The following MEAK7 variants were observed in gnomAD, a reference collection of about 807,000 sequenced individuals.
MEAK7 encodes MTOR associated protein MEAK7.
In MEAK7, 68 loss-of-function variants were observed where a neutral mutation model predicts 40.5. The ratio of observed to expected loss-of-function variants is 1.68; its 90% confidence interval spans 1.38 to 2.06. MEAK7 has a LOEUF of 2.06. Among genes scored for constraint, MEAK7 ranks in the 30% most tolerant of loss-of-function variants. The pLI, the probability that MEAK7 is intolerant of heterozygous loss-of-function variation, is 0.00. For missense variants in MEAK7, 918 were observed against 580.5 expected, an observed-to-expected ratio of 1.58 and a Z score of -5.98; for synonymous variants, 338 against 231.9, an observed-to-expected ratio of 1.46 and a Z score of -4.16.
chr16:84,486,533 A>T (rs1422313311), intron 5 of MEAK7, 98 bp downstream of exon 5: 3 of 1,487,796 alleles, frequency 2.0e-6, no homozygotes. Flanking sequence ...CTTGGAGAAG[A>T]TGGGAGAGCC....
intron 3 of MEAK7, among the ~76,000 whole-genome samples, chr16:84,490,349 G>A (rs929923215): frequency 6.6e-6 from 1 of 150,838 alleles, no homozygotes; most frequent in Non-Finnish European, 1.5e-5. Flanking sequence ...GCCTTGAGGG[G>A]CTTTATTTCC....
At position 84,489,284 on chromosome 16, in the gene MEAK7, G is replaced by C. The variant is rs149770268; in HGVS notation, c.523C>G (p.Leu175Val). 5.0e-5 allele frequency: 81 copies of C among 1,614,064 alleles called. No individual in the cohort carries two copies. The African/African-American group carries it at 9.9e-4, about 20-fold the overall frequency. ...LAAQLLSDMK[L>V]QDGKRLLGPQ... ...CGCGTCCACGCACACTTGCCTTGCA[G>C]CTTCATGTCAGAGAGCAGCTGAGCA... is the stretch of plus-strand genomic sequence containing the variant. The change falls in exon 4 of 8, where the codon CTG (leucine) becomes GTG (valine). Residue 175 changes from leucine (L) to valine (V), a missense_variant. Physicochemically the swap from Leu to Val is conservative, Grantham distance 32. Transcript: ENST00000343629.
chr16:84,503,417 C>T (rs1240507986), intron 1 of MEAK7, among the ~76,000 whole-genome samples: 1 of 152,160 alleles, frequency 6.6e-6, no homozygotes, highest in Non-Finnish European at 1.5e-5. Flanking sequence ...CTTCCATCCA[C>T]TGATCCCCAC....
At chr16:84,499,150 T>C (rs1225465309) in intron 1 of MEAK7, among the ~76,000 whole-genome samples, 1 of 152,194 alleles carries the variant, frequency 6.6e-6, no homozygotes, top group African/African-American at 2.4e-5. Context: ...TGGGGCCTTG[T>C]TCACTGTCAC....
intron 4 of MEAK7, among the ~76,000 whole-genome samples, chr16:84,488,810 G>T (rs905306087): frequency 6.6e-6 from 1 of 152,162 alleles, no homozygotes; most frequent in African/African-American, 2.4e-5. Flanking sequence ...AGGGAAATGT[G>T]CAAGTGTAAA....
chr16:84,481,224 T>C (rs555762652), intron 6 of MEAK7, among the ~76,000 whole-genome samples: 1 of 152,342 alleles, frequency 6.6e-6, no homozygotes, highest in East Asian at 1.9e-4. Context: ...TGCGAACCCC[T>C]GTGCCTTCCA....
Position 84,495,743 on chromosome 16 carries a change from G to C in MEAK7, c.324C>G (p.Leu108=). Residue 108 remains leucine (L), a synonymous_variant, in exon 3 of 8, where the codon CTC becomes CTG. Coordinates refer to ENST00000343629, the MANE Select transcript of MEAK7 (RefSeq NM_020947.4). The part of the protein sequence containing the change: ...LLKGNSEEKS[L]MIMKMISATE... Reference sequence around the variant, plus strand: ...TGGCAGAAATCATTTTCATAATCATGAGACTCTTCTCCTCGGAGTTTCCTT... The same window carrying C: ...TGGCAGAAATCATTTTCATAATCATCAGACTCTTCTCCTCGGAGTTTCCTT... The C allele has an allele frequency of 6.2e-7, 1 of 1,613,886 alleles. No homozygotes were observed. Among genetic ancestry groups the C allele is most frequent in the South Asian group, 1.1e-5 (1 of 91,058 alleles).
At chr16:84,496,923 T>C (rs1914098215) in intron 2 of MEAK7, among the ~76,000 whole-genome samples, 2 of 152,228 alleles carry the variant, frequency 1.3e-5, no homozygotes, top group African/African-American at 4.8e-5. Context: ...CATATGTCTG[T>C]GTACAGCTAA....
chr16:84,496,684 T>C (rs906974654), intron 2 of MEAK7, among the ~76,000 whole-genome samples: 12 of 152,090 alleles, frequency 7.9e-5, no homozygotes, highest in African/African-American at 2.7e-4. Flanking sequence ...ATCACCAGGA[T>C]GCAGGACGTT....
chr16:84,487,253 G>A, intron 4 of MEAK7, 194 bp from the exon 5 acceptor site: 1 of 516,812 alleles, frequency 1.9e-6, no homozygotes, highest in Non-Finnish European at 3.3e-6. Flanking sequence ...TATGAAAAAA[G>A]AATGTAAAAT....
At chr16:84,481,325 G>A (rs966693534) in intron 6 of MEAK7, among the ~76,000 whole-genome samples, 8 of 152,072 alleles carry the variant, frequency 5.3e-5, no homozygotes, top group South Asian at 2.1e-4. Context: ...CACCTGGCAC[G>A]CCCTAGTTCT....
Position 84,478,226 on chromosome 16 carries a change from A to T in MEAK7, c.*1687T>A, listed in dbSNP as rs1402428312. ...CCAACATGTCAGGTAGGAAGCTCAC[A>T]ATGTTCCCCATAAGCCATTACAAAC... On this transcript the variant is annotated 3_prime_UTR_variant, in exon 8 of 8. Coordinates refer to ENST00000343629, the MANE Select transcript of MEAK7 (RefSeq NM_020947.4). The T allele has an allele frequency of 1.3e-5, 2 of 152,210 alleles. No homozygotes were observed. The highest frequency in any genetic ancestry group is 4.8e-5 in the African/African-American group (2 of 41,446). The allele number at this position is 152,210 out of a possible 1,614,324, so 9.4% of individuals were successfully genotyped here. A position where few individuals can be genotyped will look rare whatever the true frequency, so the allele number is the denominator to read the frequency against.
At chr16:84,496,674 A>C (rs1378429760) in intron 2 of MEAK7, among the ~76,000 whole-genome samples, 2 of 152,112 alleles carry the variant, frequency 1.3e-5, no homozygotes, top group Non-Finnish European at 2.9e-5. Context: ...ATGCTCCTGC[A>C]TCACCAGGAT....
At chr16:84,494,857 A>T (rs1040678188) in intron 3 of MEAK7, 3 of 451,416 alleles carry the variant, frequency 6.6e-6, no homozygotes, top group Middle Eastern at 3.3e-4. Flanking sequence ...AGGAAAAAAT[A>T]AAAACTCAGG....
chr16:84,486,724 G>C lies in MEAK7; in HGVS notation c.865C>G (p.Arg289Gly), dbSNP rs139284406. Reference sequence around the variant, plus strand: ...TCGAGGACAGCCACACAGGGTCCCCGGTGAGTGATGTGGCCACAGAGCTGG... The same window carrying C: ...TCGAGGACAGCCACACAGGGTCCCCCGTGAGTGATGTGGCCACAGAGCTGG... ...FSQLCGHITHRGPCVAVLEDH... is the reference protein window; with the variant it reads ...FSQLCGHITHGGPCVAVLEDH... The change falls in exon 5 of 8, where the codon CGG becomes GGG. Residue 289 changes from arginine to glycine, a missense_variant. Physicochemically the swap from Arg to Gly is moderately radical, Grantham distance 125. Transcript: ENST00000343629. 1 of 1,613,996 alleles carries C rather than the reference G, an allele frequency of 6.2e-7. No homozygotes were observed. The highest frequency in any genetic ancestry group is 1.1e-5 in the South Asian group (1 of 91,080).
chr16:84,481,342 G>C (rs367671317), intron 6 of MEAK7, among the ~76,000 whole-genome samples: 20 of 151,934 alleles, frequency 1.3e-4, no homozygotes, highest in East Asian at 7.7e-4. Context: ...TTCTGACCTT[G>C]GGCAACCAGA....
intron 2 of MEAK7, chr16:84,497,494 C>A (rs1033736257): frequency 2.2e-5 from 28 of 1,289,988 alleles, no homozygotes; most frequent in Non-Finnish European, 2.8e-5. Context: ...GACCCATCAC[C>A]GCGTCTGTCT....
intron 5 of MEAK7, 46 bp from the exon 6 acceptor site, chr16:84,482,756 C>A: frequency 6.2e-7 from 1 of 1,609,212 alleles, no homozygotes; most frequent in South Asian, 1.1e-5. Flanking sequence ...GTGTCTGAGC[C>A]GGTCCCACAG....
intron 1 of MEAK7, among the ~76,000 whole-genome samples, chr16:84,503,218 C>G (rs888017613): frequency 6.6e-6 from 1 of 151,474 alleles, no homozygotes. Flanking sequence ...AAAAAAAAAT[C>G]TCATGTTTTA....
Sources: allele counts gnomAD v4.1 joint callset (sites outside exome capture counted in the v4.1 genomes callset), GRCh38; gene constraint gnomAD v4.1.1; transcripts MANE v1.5; gene names NCBI Gene and HGNC (gene_info 2026-07-23, HGNC 2026-07-21).